The following CCDC122 variants were observed in gnomAD, a reference collection of about 807,000 sequenced individuals.
The protein encoded by CCDC122 is coiled-coil domain containing 122, also known as coiled-coil domain-containing protein 122.
A neutral mutation model predicts 37.0 loss-of-function variants in CCDC122; 38 were observed. That is an observed-to-expected ratio of 1.03 (90% CI 0.79 to 1.35). CCDC122 has a LOEUF of 1.35. Ranked by LOEUF, CCDC122 falls within the 40% of genes most tolerant of loss-of-function variation. The probability of loss-of-function intolerance (pLI) is 0.00; values close to 1 mark genes in which losing one functional copy is unlikely to be tolerated. For synonymous variants in CCDC122, 83 were observed against 95.6 expected (o/e 0.87, Z 0.77); for missense variants, 305 against 310.0 (o/e 0.98, Z 0.12).
At chr13:43,819,935 A>G (rs1362360472), downstream of CCDC122, among the ~76,000 whole-genome samples, 1 of 143,234 alleles carries the variant, frequency 7.0e-6, no homozygotes. Context: ...GTAGAATATC[A>G]TAAGGACAAA....
At position 43,849,737 on chromosome 13, in the gene CCDC122, T is replaced by C. The variant is rs143608735; in HGVS notation, c.672+9044A>G. Among the ~76,000 whole-genome samples, 471 of 152,306 alleles carry C rather than the reference T, an allele frequency of 3.1e-3. 5 individuals are homozygous for C. Among genetic ancestry groups the C allele is most frequent in the African/African-American group, 0.011 (449 of 41,562 alleles). On this transcript the variant is annotated intron_variant, in intron 6 of 6. Coordinates refer to ENST00000444614, the MANE Select transcript of CCDC122 (RefSeq NM_144974.5). The stretch of plus-strand genomic sequence containing the variant: ...AAAACTATGGCCCCTCCAACACTCA[T>C]GCCAGCAAGGGCTGGGTGGAAAGCC...
intron 6 of CCDC122, among the ~76,000 whole-genome samples, chr13:43,845,079 T>C (rs1190182978): frequency 6.6e-6 from 1 of 152,184 alleles, no homozygotes; most frequent in Non-Finnish European, 1.5e-5. Context: ...GGATTGAGTA[T>C]TTTTTGTTGT....
intron 4 of CCDC122, among the ~76,000 whole-genome samples, chr13:43,861,367 T>C (rs923009823): frequency 2.0e-5 from 3 of 152,178 alleles, no homozygotes; most frequent in Non-Finnish European, 4.4e-5. Flanking sequence ...AGCATTGTAA[T>C]GTATGGCAAA....
At chr13:43,871,609 T>C (rs1023483103) in intron 2 of CCDC122, among the ~76,000 whole-genome samples, 6 of 152,100 alleles carry the variant, frequency 3.9e-5, no homozygotes, top group African/African-American at 1.4e-4. Context: ...CCCAACCCTT[T>C]TCTATCCTTT....
Position 43,837,430 on chromosome 13 carries a change from C to G in CCDC122, c.673-1G>C, listed in dbSNP as rs1395543225. ...TTGCATCATACCTCTTATGTTGTAC[C>G]TATCAAAAGAAGAGCACACATCAAC... On this transcript the variant is annotated splice_acceptor_variant, in intron 6 of 6. Coordinates refer to ENST00000444614, the MANE Select transcript of CCDC122 (RefSeq NM_144974.5). LOFTEE classifies it high-confidence loss of function. 6.2e-7 allele frequency: 1 copy of G among 1,609,772 alleles called. No individual in the cohort carries two copies. Among genetic ancestry groups the G allele is most frequent in the Admixed American group, 1.7e-5 (1 of 59,080 alleles).
At chr13:43,824,843 A>G (rs1020624433) in intron 3 of CCDC122, among the ~76,000 whole-genome samples, 19 of 152,246 alleles carry the variant, frequency 1.2e-4, no homozygotes, top group African/African-American at 4.6e-4. Flanking sequence ...CAAACCCACA[A>G]TGAGATACCA....
At chr13:43,831,463 C>T (rs778074384), downstream of CCDC122, among the ~76,000 whole-genome samples, 6 of 152,082 alleles carry the variant, frequency 3.9e-5, no homozygotes, top group African/African-American at 7.2e-5. Context: ...CTCAAGGAAG[C>T]CTCTCCAATA....
chr13:43,843,890 A>G (rs542121772), intron 6 of CCDC122, among the ~76,000 whole-genome samples: 1 of 151,752 alleles, frequency 6.6e-6, no homozygotes, highest in African/African-American at 2.4e-5. Context: ...ATAGGCCTTC[A>G]TCACCCTTTT....
intron 4 of CCDC122, among the ~76,000 whole-genome samples, chr13:43,865,388 T>A (rs1954244639): frequency 6.6e-6 from 1 of 152,092 alleles, no homozygotes; most frequent in South Asian, 2.1e-4. Context: ...TCCCTCCTTA[T>A]CCAAGGGGAA....
chr13:43,848,946 C>T (rs6561147), intron 6 of CCDC122: 936,187 of 970,308 alleles, frequency 0.96, 452,510 homozygotes, highest in South Asian at 0.99. Flanking sequence ...TTCACCTTCT[C>T]TAAAAACTGG....
At position 43,837,084 on chromosome 13, in the gene CCDC122, C is replaced by T. The variant is rs1046544638; in HGVS notation, c.*196G>A. On this transcript the variant is annotated 3_prime_UTR_variant, in exon 7 of 7. Transcript: ENST00000444614. ...AGACATTCCTATTGTCTGTCTACTG[C>T]TATCAAGTGTAGGGTTAGAAGGCAT... is the stretch of plus-strand genomic sequence containing the variant. 43 of 551,718 alleles carry T rather than the reference C, an allele frequency of 7.8e-5. No homozygotes were observed. Among genetic ancestry groups the T allele is most frequent in the Middle Eastern group, 4.8e-4 (1 of 2,100 alleles). The allele number at this position is 551,718 out of a possible 1,614,324, so 34.2% of individuals were successfully genotyped here.
At chr13:43,829,265 T>C (rs563309337) in intron 3 of CCDC122, among the ~76,000 whole-genome samples, 11 of 152,206 alleles carry the variant, frequency 7.2e-5, no homozygotes, top group Non-Finnish European at 1.3e-4. Flanking sequence ...GAGCTGTAGA[T>C]GTGATAATGA....
intron 6 of CCDC122, among the ~76,000 whole-genome samples, chr13:43,847,596 T>C (rs1049465121): frequency 6.6e-6 from 1 of 152,184 alleles, no homozygotes; most frequent in Non-Finnish European, 1.5e-5. Context: ...GGATAGCCTA[T>C]AAAAAGTGCC....
At chr13:43,862,795 AC>A (rs1248094801) in intron 4 of CCDC122, among the ~76,000 whole-genome samples, 1 of 152,066 alleles carries the variant, frequency 6.6e-6, no homozygotes. Flanking sequence ...AAGTATATTG[AC>A]CCATACAATT....
downstream of CCDC122, among the ~76,000 whole-genome samples, chr13:43,833,603 G>A (rs1159324595): frequency 6.6e-6 from 1 of 152,214 alleles, no homozygotes; most frequent in Admixed American, 6.5e-5. Context: ...ACTAGGGCTA[G>A]AAGAGGTCTT....
intron 6 of CCDC122, among the ~76,000 whole-genome samples, chr13:43,842,468 C>A (rs1300446299): frequency 6.6e-6 from 1 of 151,124 alleles, no homozygotes; most frequent in Non-Finnish European, 1.5e-5. Flanking sequence ...TAGATTAGGT[C>A]CTACAAATTT....
chr13:43,826,305 T>C (rs1452170886), intron 3 of CCDC122, among the ~76,000 whole-genome samples: 9 of 152,116 alleles, frequency 5.9e-5, no homozygotes, highest in African/African-American at 2.2e-4. Flanking sequence ...TTTTTGAACT[T>C]ACTTACCTAA....
chr13:43,878,539 C>T (rs949081425), intron 1 of CCDC122, among the ~76,000 whole-genome samples: 4 of 152,124 alleles, frequency 2.6e-5, no homozygotes, highest in Admixed American at 2.6e-4. Flanking sequence ...GGTTCTTTAG[C>T]GCCTACCAAA....
At chr13:43,839,451 C>T (rs1487757625) in intron 6 of CCDC122, among the ~76,000 whole-genome samples, 1 of 152,168 alleles carries the variant, frequency 6.6e-6, no homozygotes, top group Non-Finnish European at 1.5e-5. Flanking sequence ...CAAATAATAG[C>T]ACATTATATG....
Sources: allele counts gnomAD v4.1 joint callset (sites outside exome capture counted in the v4.1 genomes callset), GRCh38; gene constraint gnomAD v4.1.1; transcripts MANE v1.5; gene names NCBI Gene and HGNC (gene_info 2026-07-23, HGNC 2026-07-21).